BCL2L1: variants seen among roughly 807,000 people sequenced by gnomAD.
BCL2L1 encodes the protein bcl-2-like protein 1.
In BCL2L1, 1 loss-of-function variant was observed where a neutral mutation model predicts 18.7. That is an observed-to-expected ratio of 0.05 (90% CI 0.02 to 0.25). BCL2L1 has a LOEUF of 0.25. Among genes scored for constraint, BCL2L1 ranks in the 10% least tolerant of loss-of-function variants. The pLI, the probability that BCL2L1 is intolerant of heterozygous loss-of-function variation, is 1.00. For missense variants in BCL2L1, 207 were observed against 304.9 expected (o/e 0.68, Z 2.39); for synonymous variants, 103 against 122.7 (o/e 0.84, Z 1.06).
chr20:31,709,770 G>A (rs2061423895), intron 2 of BCL2L1, among the ~76,000 whole-genome samples: 1 of 148,314 alleles, frequency 6.7e-6, no homozygotes, highest in Admixed American at 6.9e-5. Context: ...GGGAGGCGGA[G>A]CTTGCAGTGA....
chr20:31,712,686 C>T (rs955004750), intron 2 of BCL2L1, among the ~76,000 whole-genome samples: 2 of 152,102 alleles, frequency 1.3e-5, no homozygotes, highest in South Asian at 4.1e-4. Flanking sequence ...GACCAGGAGG[C>T]CAGTCTCTAG....
intron 2 of BCL2L1, among the ~76,000 whole-genome samples, chr20:31,689,975 G>A (rs1033975438): frequency 6.6e-5 from 10 of 152,204 alleles, no homozygotes; most frequent in East Asian, 1.9e-4. Flanking sequence ...TGGAGATCGC[G>A]CTATTGCACT....
intron 2 of BCL2L1, among the ~76,000 whole-genome samples, chr20:31,715,045 C>T (rs561696133): frequency 2.6e-5 from 4 of 152,070 alleles, no homozygotes; most frequent in African/African-American, 4.8e-5. Flanking sequence ...GAGGCTGAGG[C>T]GGGCGGATCA....
At position 31,707,169 on chromosome 20, in the gene BCL2L1, C is replaced by T. The variant is rs180761839; in HGVS notation, c.564+14486G>A. On this transcript the variant is annotated intron_variant, in intron 2 of 2. Coordinates refer to ENST00000307677, the MANE Select transcript of BCL2L1 (RefSeq NM_138578.3). ...GTCAACAACACTGGCCAAACCTCTACTGTGTACAAGGTATGACTTGGGCCT... is the reference window on the plus strand; with the variant it reads ...GTCAACAACACTGGCCAAACCTCTATTGTGTACAAGGTATGACTTGGGCCT... Among the ~76,000 whole-genome samples the T allele has an allele frequency of 7.2e-5, 11 of 152,334 alleles. No individual in the cohort carries two copies. In the East Asian group the frequency reaches 2.1e-3, roughly 29 times the overall value.
chr20:31,665,900 G>C lies in BCL2L1; in HGVS notation c.*49C>G. On this transcript the variant is annotated 3_prime_UTR_variant, in exon 3 of 3. Coordinates refer to ENST00000307677, the MANE Select transcript of BCL2L1 (RefSeq NM_138578.3). ...CAATGGCGGCTGGACGGAGGATGTGGTGGAGCAGAGAAGGGGGTGGGAGGG... is the reference window on the plus strand; with the variant it reads ...CAATGGCGGCTGGACGGAGGATGTGCTGGAGCAGAGAAGGGGGTGGGAGGG... 1 of 1,600,088 alleles carries C rather than the reference G, an allele frequency of 6.2e-7. No individual in the cohort carries two copies. The highest frequency in any genetic ancestry group is 8.5e-7 in the Non-Finnish European group (1 of 1,171,870).
chr20:31,665,820 C>T lies in BCL2L1; in HGVS notation c.*129G>A. On this transcript the variant is annotated 3_prime_UTR_variant, in exon 3 of 3. Coordinates refer to ENST00000307677, the MANE Select transcript of BCL2L1 (RefSeq NM_138578.3). ...TAGCTGCAAGGGACCAGATCTGGGC[C>T]CAACCCTGTGATGGGCAGGTGGGCA... The T allele has an allele frequency of 7.7e-7, 1 of 1,300,580 alleles. No individual in the cohort carries two copies. Among genetic ancestry groups the T allele is most frequent in the South Asian group, 1.4e-5 (1 of 71,476 alleles). 80.6% of individuals were successfully genotyped at this position (1,300,580 alleles called of 1,614,324 possible). A position where few individuals can be genotyped will look rare whatever the true frequency, so the allele number is the denominator to read the frequency against.
intron 2 of BCL2L1, among the ~76,000 whole-genome samples, chr20:31,697,464 G>A (rs1033493493): frequency 7.3e-5 from 11 of 151,162 alleles, no homozygotes; most frequent in Admixed American, 1.3e-4. Flanking sequence ...TTTAGACGGA[G>A]TCTCGCTCTG....
intron 2 of BCL2L1, among the ~76,000 whole-genome samples, chr20:31,713,859 A>G (rs1251818764): frequency 2.0e-5 from 3 of 152,202 alleles, no homozygotes; most frequent in African/African-American, 7.2e-5. Context: ...TCCAATTTGA[A>G]AGTCCAAAAA....
At chr20:31,712,463 A>G (rs943565749) in intron 2 of BCL2L1, among the ~76,000 whole-genome samples, 4 of 152,346 alleles carry the variant, frequency 2.6e-5, no homozygotes, top group African/African-American at 9.6e-5. Context: ...TAAGCACTCA[A>G]TAAGTGTTAG....
rs956983766 is a variant in BCL2L1 at position 31,700,927 on chromosome 20, G to T, written c.564+20728C>A. ...GTCTAGGCTCCTCCCTGCTGGACCAGCCCCTTTGGCAAAAAGAGGAGATCG... is the reference window on the plus strand; with the variant it reads ...GTCTAGGCTCCTCCCTGCTGGACCATCCCCTTTGGCAAAAAGAGGAGATCG... On this transcript the variant is annotated intron_variant, in intron 2 of 2. Transcript: ENST00000307677. Among the ~76,000 whole-genome samples the T allele has an allele frequency of 2.0e-5, 3 of 152,192 alleles. No individual in the cohort carries two copies. The South Asian group carries it at 6.2e-4, about 32-fold the overall frequency.
intron 2 of BCL2L1, among the ~76,000 whole-genome samples, chr20:31,699,299 G>A (rs1331852864): frequency 1.3e-5 from 2 of 152,232 alleles, no homozygotes; most frequent in Non-Finnish European, 2.9e-5. Context: ...AGAGCAGGAA[G>A]GAAGGGGTAA....
At chr20:31,689,693 A>G (rs1024860075) in intron 2 of BCL2L1, among the ~76,000 whole-genome samples, 5 of 152,182 alleles carry the variant, frequency 3.3e-5, no homozygotes, top group African/African-American at 4.8e-5. Context: ...ATTGGCTCTG[A>G]AGAATACAAA....
chr20:31,716,378 C>A (rs1269181569), intron 2 of BCL2L1, among the ~76,000 whole-genome samples: 1 of 152,080 alleles, frequency 6.6e-6, no homozygotes, highest in African/African-American at 2.4e-5. Context: ...CTGATATAAA[C>A]ATGTAATTAT....
chr20:31,723,169 C>A (rs1362635005), upstream of BCL2L1: 2 of 513,198 alleles, frequency 3.9e-6, no homozygotes, highest in Non-Finnish European at 5.0e-6. Flanking sequence ...ACCCCCAGGC[C>A]TGTCTGTGAT....
rs543917106 is a variant in BCL2L1 at position 31,665,988 on chromosome 20, G to C, written c.663C>G (p.Ala221=). The C allele has an allele frequency of 1.8e-5, 29 of 1,613,910 alleles. No homozygotes were observed. Among genetic ancestry groups the C allele is most frequent in the Middle Eastern group, 1.7e-4 (1 of 6,024 alleles). ...AGAGTGAGCCCAGCAGAACCACGCC[G>C]GCCACAGTCATGCCCGTCAGGAACC... ...NRWFLTGMTV[A]GVVLLGSLFS... The change falls in exon 3 of 3, where the codon GCC becomes GCG. Residue 221 remains alanine, a synonymous_variant. Coordinates refer to ENST00000307677, the MANE Select transcript of BCL2L1 (RefSeq NM_138578.3).
intron 2 of BCL2L1, among the ~76,000 whole-genome samples, chr20:31,690,855 A>G (rs768385870): frequency 6.6e-6 from 1 of 152,166 alleles, no homozygotes; most frequent in African/African-American, 2.4e-5. Flanking sequence ...ATTATGAGAT[A>G]TTAATACAGT....
intron 2 of BCL2L1, among the ~76,000 whole-genome samples, chr20:31,689,460 A>G (rs1442694862): frequency 6.6e-6 from 1 of 150,948 alleles, no homozygotes; most frequent in Non-Finnish European, 1.5e-5. Flanking sequence ...AAGAAAGAAA[A>G]TAAAAATTAT....
chr20:31,682,591 G>A (rs556145360), intron 2 of BCL2L1, among the ~76,000 whole-genome samples: 1 of 152,174 alleles, frequency 6.6e-6, no homozygotes, highest in South Asian at 2.1e-4. Context: ...GACTACAGGT[G>A]TGCATCACCA....
At position 31,707,139 on chromosome 20, in the gene BCL2L1, G is replaced by A. The variant is rs189480516; in HGVS notation, c.564+14516C>T. ...AACAAAATATGCCCCATTGCCAAAC[G>A]CCTAGTCAACAACACTGGCCAAACC... On this transcript the variant is annotated intron_variant, in intron 2 of 2. Transcript: ENST00000307677. 4.6e-5 allele frequency among the ~76,000 whole-genome samples: 7 copies of A among 152,272 alleles called. No individual in the cohort carries two copies. In the East Asian group the frequency reaches 1.3e-3, roughly 29 times the overall value.
Sources: allele counts gnomAD v4.1 joint callset (sites outside exome capture counted in the v4.1 genomes callset), GRCh38; gene constraint gnomAD v4.1.1; transcripts MANE v1.5; gene names NCBI Gene and HGNC (gene_info 2026-07-23, HGNC 2026-07-21).